TRPC3: variants seen among roughly 807,000 people sequenced by gnomAD.
The protein encoded by TRPC3 is short transient receptor potential channel 3.
TRPC3 carries 54 observed loss-of-function variants against 90.9 expected under a neutral mutation model. The observed-to-expected ratio is 0.59, with a 90% CI of 0.48 to 0.75. The LOEUF is 0.75. Ranked by LOEUF, TRPC3 falls within the 30% of genes least tolerant of loss-of-function variation. The probability of loss-of-function intolerance (pLI) is 0.00; values close to 1 mark genes in which losing one functional copy is unlikely to be tolerated. For synonymous variants in TRPC3, 424 were observed against 450.9 expected (o/e 0.94, Z 0.75); for missense variants, 918 against 1,194.5 (o/e 0.77, Z 3.41).
intron 10 of TRPC3, among the ~76,000 whole-genome samples, chr4:121,883,995 C>G (rs756392670): frequency 6.6e-6 from 1 of 151,944 alleles, no homozygotes; most frequent in Non-Finnish European, 1.5e-5. Context: ...TTGTAGCAAC[C>G]CTGTCTGAAA....
At position 121,906,377 on chromosome 4, in the gene TRPC3, G is replaced by T. The variant is rs1226219058; in HGVS notation, c.2057+926C>A. The stretch of plus-strand genomic sequence containing the variant: ...CCATAGAGTTAAAAGGAAAATGGGG[G>T]CAGGGATCACATTGTGTACAAGATC... On this transcript the variant is annotated intron_variant, in intron 7 of 11. Coordinates refer to ENST00000379645, the MANE Select transcript of TRPC3 (RefSeq NM_001130698.2). 3.9e-5 allele frequency among the ~76,000 whole-genome samples: 6 copies of T among 152,094 alleles called. No homozygotes were observed. In the East Asian group the frequency reaches 9.6e-4, roughly 24 times the overall value.
chr4:121,888,257 T>C (rs1728200674), intron 10 of TRPC3, among the ~76,000 whole-genome samples: 1 of 152,174 alleles, frequency 6.6e-6, no homozygotes, highest in African/African-American at 2.4e-5. Context: ...AAAACCCTCA[T>C]TTGGATATAA....
At position 121,894,347 on chromosome 4, in the gene TRPC3, A is replaced by T. The variant is rs1029739776; in HGVS notation, c.2547+5265T>A. 3.9e-5 allele frequency among the ~76,000 whole-genome samples: 6 copies of T among 152,072 alleles called. 1 individual carries two copies. The highest frequency in any genetic ancestry group is 2.9e-5 in the Non-Finnish European group (2 of 68,002). Reference sequence around the variant, plus strand: ...ATGCACCCAATACTAGAGCACTCAGATATATAAAGCAAATATTATTAAGTC... The same window carrying T: ...ATGCACCCAATACTAGAGCACTCAGTTATATAAAGCAAATATTATTAAGTC... On this transcript the variant is annotated intron_variant, in intron 10 of 11. Coordinates refer to ENST00000379645, the MANE Select transcript of TRPC3 (RefSeq NM_001130698.2).
At chr4:121,885,822 TAACACAA>T (rs1168138073) in intron 10 of TRPC3, among the ~76,000 whole-genome samples, 1 of 143,558 alleles carries the variant, frequency 7.0e-6, no homozygotes, top group Non-Finnish European at 1.5e-5. Context: ...GCTAACTAAC[TAACACAA>T]AAGAAGTCTA....
chr4:121,945,778 C>A (rs1447402077), intron 1 of TRPC3, among the ~76,000 whole-genome samples: 6 of 151,986 alleles, frequency 3.9e-5, no homozygotes, highest in African/African-American at 1.5e-4. Flanking sequence ...CGTGGGGATA[C>A]CAGGGGGGCA....
At chr4:121,904,244 C>A in intron 8 of TRPC3, 78 bp downstream of exon 8, 1 of 1,336,260 alleles carries the variant, frequency 7.5e-7, no homozygotes, top group South Asian at 1.4e-5. Context: ...TGGAGCTCAG[C>A]CACAGGGTAC....
chr4:121,950,356 G>T (rs896018884), intron 1 of TRPC3, among the ~76,000 whole-genome samples: 1 of 152,184 alleles, frequency 6.6e-6, no homozygotes, highest in Non-Finnish European at 1.5e-5. Flanking sequence ...CCGGCAGCAG[G>T]GGGCGCTGCA....
chr4:121,917,971 G>A (rs1729373878), intron 3 of TRPC3, among the ~76,000 whole-genome samples: 1 of 152,200 alleles, frequency 6.6e-6, no homozygotes, highest in Non-Finnish European at 1.5e-5. Flanking sequence ...TCCCTTTTGT[G>A]AGTGTCTGGT....
At chr4:121,884,254 C>G (rs1218644711) in intron 10 of TRPC3, among the ~76,000 whole-genome samples, 1 of 151,950 alleles carries the variant, frequency 6.6e-6, no homozygotes, top group East Asian at 1.9e-4. Flanking sequence ...GGAATACTGA[C>G]ACATATAAGA....
At chr4:121,933,767 G>GC (rs963073972) in intron 1 of TRPC3, among the ~76,000 whole-genome samples, 1 of 151,988 alleles carries the variant, frequency 6.6e-6, no homozygotes, top group African/African-American at 2.4e-5. Flanking sequence ...CATGCCACTT[G>GC]CCCCCACACC....
chr4:121,882,822 T>G (rs1308045632), intron 10 of TRPC3, among the ~76,000 whole-genome samples: 1 of 152,136 alleles, frequency 6.6e-6, no homozygotes, highest in Non-Finnish European at 1.5e-5. Context: ...ATATAGAGAA[T>G]TTGGAAAATA....
At position 121,902,878 on chromosome 4, in the gene TRPC3, T is replaced by C. The variant is rs1728748616; in HGVS notation, c.2437A>G (p.Met813Val). 6.2e-7 allele frequency: 1 copy of C among 1,611,986 alleles called. No homozygotes were observed. Among genetic ancestry groups the C allele is most frequent in the African/African-American group, 1.3e-5 (1 of 74,940 alleles). Residue 813 changes from methionine to valine, a missense_variant, in exon 9 of 12, where the codon ATG (methionine) becomes GTG (valine). Around this residue, in one of 4 missense-constraint regions of TRPC3, gnomAD observed 121 missense variants for 135.7 expected, o/e 0.89. Coordinates refer to ENST00000379645, the MANE Select transcript of TRPC3 (RefSeq NM_001130698.2). The part of the protein sequence containing the change: ...RRRRLQKDIE[M>V]GMGNSKSRLN... ...CTGGACTTTGAGTTACCCATTCCCA[T>C]TTCTATATCCTTCTGAAGCCTTCTC...
chr4:121,909,147 C>A (rs1221656893), intron 6 of TRPC3, among the ~76,000 whole-genome samples: 1 of 152,066 alleles, frequency 6.6e-6, no homozygotes, highest in African/African-American at 2.4e-5. Flanking sequence ...TCTTTAATTA[C>A]AAATGGTGAT....
chr4:121,885,906 T>C (rs2149106247), intron 10 of TRPC3, among the ~76,000 whole-genome samples: 1 of 152,192 alleles, frequency 6.6e-6, no homozygotes, highest in African/African-American at 2.4e-5. Flanking sequence ...AGCCTGTGAG[T>C]CACTCTTTAA....
Position 121,877,381 on chromosome 4 carries a change from G to A in TRPC3, c.*2355C>T, listed in dbSNP as rs1218498273. On this transcript the variant is annotated 3_prime_UTR_variant, in exon 12 of 12. Transcript: ENST00000379645. ...CCCTAATCCTTTCAGGAGCTCTGGA[G>A]CATGAACTGCACTGAATAGTTGGCC... is the stretch of plus-strand genomic sequence containing the variant. Among the ~76,000 whole-genome samples, 1 of 152,216 alleles carries A rather than the reference G, an allele frequency of 6.6e-6. No individual in the cohort carries two copies. The highest frequency in any genetic ancestry group is 1.5e-5 in the Non-Finnish European group (1 of 68,034).
intron 1 of TRPC3, among the ~76,000 whole-genome samples, chr4:121,947,074 T>C (rs1730516421): frequency 6.6e-6 from 1 of 151,466 alleles, no homozygotes; most frequent in South Asian, 2.1e-4. Flanking sequence ...TCCCAGTTAC[T>C]TGGGAGGCTA....
At chr4:121,926,470 G>A (rs1167877470) in intron 2 of TRPC3, among the ~76,000 whole-genome samples, 3 of 150,286 alleles carry the variant, frequency 2.0e-5, no homozygotes, top group Non-Finnish European at 2.9e-5. Context: ...ACAGTGGCAC[G>A]ATCTTGGCTC....
At chr4:121,893,102 G>A (rs1293423085) in intron 10 of TRPC3, among the ~76,000 whole-genome samples, 1 of 136,568 alleles carries the variant, frequency 7.3e-6, no homozygotes, top group Non-Finnish European at 1.5e-5. Context: ...GCCTGGGCAA[G>A]AGAGGCAGAC....
chr4:121,888,099 G>T (rs896225207), intron 10 of TRPC3, among the ~76,000 whole-genome samples: 5 of 151,750 alleles, frequency 3.3e-5, no homozygotes. Flanking sequence ...GACTCAAACT[G>T]CCCTCCCACA....
Sources: allele counts gnomAD v4.1 joint callset (sites outside exome capture counted in the v4.1 genomes callset), GRCh38; gene constraint gnomAD v4.1.1; regional missense constraint gnomAD v4.1.1; transcripts MANE v1.5; gene names NCBI Gene and HGNC (gene_info 2026-07-23, HGNC 2026-07-21).